TMEM135: variants seen among roughly 807,000 people sequenced by gnomAD.
TMEM135 encodes the protein peroxisomal membrane protein 52.
In TMEM135, 30 loss-of-function variants were observed where a neutral mutation model predicts 60.3. The observed-to-expected ratio is 0.50, with a 90% CI of 0.37 to 0.68. The LOEUF is 0.68. Ranked by LOEUF, TMEM135 falls within the 30% of genes least tolerant of loss-of-function variation. The pLI is 0.00. For missense variants in TMEM135, 468 were observed against 548.8 expected (o/e 0.85, Z 1.47); for synonymous variants, 190 against 186.7 (o/e 1.02, Z -0.14).
At chr11:87,100,815 T>C (rs1211098325) in intron 4 of TMEM135, among the ~76,000 whole-genome samples, 2 of 151,884 alleles carry the variant, frequency 1.3e-5, no homozygotes, top group Admixed American at 6.6e-5. Context: ...TAAGCCAAGA[T>C]TGCGTCAGTG....
intron 1 of TMEM135, among the ~76,000 whole-genome samples, chr11:87,062,585 C>G (rs1346684731): frequency 6.6e-6 from 1 of 151,772 alleles, no homozygotes; most frequent in East Asian, 1.9e-4. Context: ...CTGCCTCAGC[C>G]TCCTGAGTAG....
At chr11:87,204,043 T>A (rs985940943) in intron 5 of TMEM135, among the ~76,000 whole-genome samples, 1 of 152,224 alleles carries the variant, frequency 6.6e-6, no homozygotes, top group South Asian at 2.1e-4. Context: ...TTATCCTTTT[T>A]TTTTCAACTT....
intron 6 of TMEM135, among the ~76,000 whole-genome samples, chr11:87,289,537 A>G (rs983092254): frequency 1.4e-5 from 2 of 140,374 alleles, no homozygotes; most frequent in Admixed American, 8.0e-5. Flanking sequence ...GCTCACTGCA[A>G]CCTCCATCTC....
intron 10 of TMEM135, 130 bp from the exon 11 acceptor site, chr11:87,313,295 T>C: frequency 1.4e-6 from 1 of 697,196 alleles, no homozygotes; most frequent in East Asian, 2.7e-5. Context: ...GTATGCAGTT[T>C]GATTTAGATG....
intron 4 of TMEM135, among the ~76,000 whole-genome samples, chr11:87,116,433 T>G (rs944536032): frequency 5.9e-5 from 9 of 152,152 alleles, no homozygotes; most frequent in African/African-American, 2.4e-5. Context: ...GCAGACACAA[T>G]TTATTTTGTG....
At chr11:87,234,555 T>C (rs1351840342) in intron 5 of TMEM135, among the ~76,000 whole-genome samples, 3 of 152,104 alleles carry the variant, frequency 2.0e-5, no homozygotes, top group Non-Finnish European at 2.9e-5. Flanking sequence ...TTTTTCTATC[T>C]AGATCACTTA....
chr11:87,081,093 G>GTTT (rs35529723), intron 3 of TMEM135, among the ~76,000 whole-genome samples: 40,626 of 149,204 alleles, frequency 0.27, 6,024 homozygotes, highest in East Asian at 0.53. Flanking sequence ...TATAATTAAA[G>GTTT]TTTTTTTTTT....
intron 6 of TMEM135, among the ~76,000 whole-genome samples, chr11:87,257,519 A>C (rs1020128104): frequency 6.6e-6 from 1 of 152,116 alleles, no homozygotes; most frequent in Non-Finnish European, 1.5e-5. Flanking sequence ...TCTCGTCTTC[A>C]GTGGGGATAA....
chr11:87,146,308 G>A (rs1938412841), intron 4 of TMEM135, among the ~76,000 whole-genome samples: 1 of 128,956 alleles, frequency 7.8e-6, no homozygotes, highest in South Asian at 2.7e-4. Flanking sequence ...TTGAACTCAG[G>A]AGTTTTTTGA....
At chr11:87,236,005 T>G (rs553456552) in intron 5 of TMEM135, among the ~76,000 whole-genome samples, 8 of 151,940 alleles carry the variant, frequency 5.3e-5, no homozygotes, top group Non-Finnish European at 7.4e-5. Context: ...GAAGATCTGG[T>G]CATCTTCATA....
chr11:87,234,506 A>G (rs1940953823), intron 5 of TMEM135, among the ~76,000 whole-genome samples: 1 of 152,076 alleles, frequency 6.6e-6, no homozygotes, highest in African/African-American at 2.4e-5. Flanking sequence ...CTGCCTGATT[A>G]AAAATAATTT....
At chr11:87,245,210 G>C (rs1298253523) in intron 6 of TMEM135, among the ~76,000 whole-genome samples, 1 of 151,676 alleles carries the variant, frequency 6.6e-6, no homozygotes, top group Non-Finnish European at 1.5e-5. Flanking sequence ...ACTGTGGTCT[G>C]AGAGACAGTT....
intron 4 of TMEM135, among the ~76,000 whole-genome samples, chr11:87,102,726 A>G (rs373730816): frequency 6.2e-4 from 46 of 74,718 alleles, no homozygotes; most frequent in African/African-American, 1.8e-3. Flanking sequence ...ATATATATAT[A>G]TGTATATATA....
intron 12 of TMEM135, among the ~76,000 whole-genome samples, chr11:87,317,625 T>C (rs558172555): frequency 9.9e-4 from 150 of 152,254 alleles, no homozygotes; most frequent in Non-Finnish European, 2.0e-3. Flanking sequence ...AGAGTCAGAT[T>C]TACTTAGCAA....
intron 4 of TMEM135, among the ~76,000 whole-genome samples, chr11:87,112,283 T>A (rs77852662): frequency 0.015 from 2,298 of 152,282 alleles, 64 homozygotes; most frequent in African/African-American, 0.053. Context: ...AATTAAATTA[T>A]TCAAGTGTAT....
chr11:87,261,306 A>C (rs1377802286), intron 6 of TMEM135, among the ~76,000 whole-genome samples: 1 of 152,056 alleles, frequency 6.6e-6, no homozygotes, highest in African/African-American at 2.4e-5. Context: ...TTCTGCCTTG[A>C]TTTATTACCC....
chr11:87,038,002 G>C lies in TMEM135; in HGVS notation c.-44G>C. 6.2e-7 allele frequency: 1 copy of C among 1,611,832 alleles called. No homozygotes were observed. Among genetic ancestry groups the C allele is most frequent in the Non-Finnish European group, 8.5e-7 (1 of 1,179,908 alleles). On this transcript the variant is annotated 5_prime_UTR_variant, in exon 1 of 15. Coordinates refer to ENST00000305494, the MANE Select transcript of TMEM135 (RefSeq NM_022918.4). ...GGGCTCTCGCGCCCCTCCCTGCAGGGCTCAGGCTCTCCCCCTCCTGTCTTC... is the reference window on the plus strand; with the variant it reads ...GGGCTCTCGCGCCCCTCCCTGCAGGCCTCAGGCTCTCCCCCTCCTGTCTTC...
chr11:87,276,435 T>C (rs1941966664), intron 6 of TMEM135, among the ~76,000 whole-genome samples: 1 of 152,058 alleles, frequency 6.6e-6, no homozygotes, highest in Admixed American at 6.6e-5. Flanking sequence ...AAAGCTCTGA[T>C]CAGGTCTTCT....
intron 9 of TMEM135, among the ~76,000 whole-genome samples, chr11:87,306,935 G>A (rs1394544870): frequency 6.6e-6 from 1 of 152,022 alleles, no homozygotes; most frequent in African/African-American, 2.4e-5. Context: ...TGGCCAGGCT[G>A]GTCTTGAACT....
Sources: allele counts gnomAD v4.1 joint callset (sites outside exome capture counted in the v4.1 genomes callset), GRCh38; gene constraint gnomAD v4.1.1; transcripts MANE v1.5; gene names NCBI Gene and HGNC (gene_info 2026-07-23, HGNC 2026-07-21).